The following COL16A1 variants were observed in gnomAD, a reference collection of about 807,000 sequenced individuals.
COL16A1 encodes the protein collagen type XVI alpha 1 chain, also known as collagen alpha-1(XVI) chain.
In COL16A1, 189 loss-of-function variants were observed where a neutral mutation model predicts 266.3. The ratio of observed to expected loss-of-function variants is 0.71; its 90% CI spans 0.63 to 0.80. COL16A1 has a LOEUF of 0.80. Ranked by LOEUF, COL16A1 falls within the 30% of genes least tolerant of loss-of-function variation. COL16A1 has a pLI of 0.00. For missense variants in COL16A1, 1,928 were observed against 2,122.4 expected, an observed-to-expected ratio of 0.91 and a Z score of 1.80; for synonymous variants, 740 against 782.3, an observed-to-expected ratio of 0.95 and a Z score of 0.90.
rs775591858 is a variant in COL16A1 at position 31,653,696 on chromosome 1, T to A, written c.4535-20A>T. 1.2e-6 allele frequency: 2 copies of A among 1,610,502 alleles called. No homozygotes were observed. Among genetic ancestry groups the A allele is most frequent in the Non-Finnish European group, 1.7e-6 (2 of 1,178,154 alleles). Reference sequence around the variant, plus strand: ...GCAATCCTGGAACAAAAGAAATAAATAAGTCCTATCCCTGAGCAGAAAAAT... The same window carrying A: ...GCAATCCTGGAACAAAAGAAATAAAAAAGTCCTATCCCTGAGCAGAAAAAT... On this transcript the variant is annotated intron_variant, in intron 69 of 70. Transcript: ENST00000373672.
In COL16A1 at chr1:31,699,768, G is replaced by A. The variant is rs766682234; in HGVS notation, c.266+45C>T. 2.4e-6 allele frequency: 3 copies of A among 1,236,058 alleles called. No individual in the cohort carries two copies. The East Asian group carries it at 6.9e-5, about 29-fold the overall frequency. The allele number at this position is 1,236,058 out of a possible 1,614,324, so 76.6% of individuals were successfully genotyped here. ...ACATCTGGAGTTGCTGAGGAGTGTGGCTGAGGTCAGTGTTGATTCTCAGTG... is the reference window on the plus strand; with the variant it reads ...ACATCTGGAGTTGCTGAGGAGTGTGACTGAGGTCAGTGTTGATTCTCAGTG... On this transcript the variant is annotated intron_variant, in intron 4 of 70. Transcript: ENST00000373672.
chr1:31,697,335 T>A lies in COL16A1; in HGVS notation c.658-35A>T, dbSNP rs1213258701. Reference sequence around the variant, plus strand: ...ACACACACATCAATTTCACTTCATTTTATCAAATAGCTCTGTGTCCTGGCC... The same window carrying A: ...ACACACACATCAATTTCACTTCATTATATCAAATAGCTCTGTGTCCTGGCC... On this transcript the variant is annotated intron_variant, in intron 6 of 70. Transcript: ENST00000373672. The surrounding 1 kb of genome is among the most constrained non-coding windows in gnomAD (Gnocchi z 4.2). 1.9e-6 allele frequency: 3 copies of A among 1,566,900 alleles called. No individual in the cohort carries two copies. Among genetic ancestry groups the A allele is most frequent in the Non-Finnish European group, 1.7e-6 (2 of 1,152,934 alleles).
At chr1:31,676,076 G>C (rs1401796054) in intron 42 of COL16A1, among the ~76,000 whole-genome samples, 1 of 151,916 alleles carries the variant, frequency 6.6e-6, no homozygotes, top group African/African-American at 2.4e-5. Flanking sequence ...TGCAATCGTA[G>C]CACTTTGGGA....
chr1:31,699,620 AAGGTAGGTCTGCC>A (rs1160444418), intron 4 of COL16A1, among the ~76,000 whole-genome samples, 180 bp downstream of exon 4: 1 of 152,178 alleles, frequency 6.6e-6, no homozygotes, highest in African/African-American at 2.4e-5. Context: ...GGAAAGACAG[AAGGTAGGTCTGCC>A]AGGTACCACC....
chr1:31,658,671 G>T, intron 63 of COL16A1, 94 bp from the exon 64 acceptor site: 3 of 1,221,642 alleles, frequency 2.5e-6, no homozygotes, highest in Non-Finnish European at 2.4e-6. Context: ...GTGTGCCAGG[G>T]ACTACAGGGA....
chr1:31,661,343 C>T (rs1641644290), intron 60 of COL16A1, 71 bp downstream of exon 60: 2 of 1,609,970 alleles, frequency 1.2e-6, no homozygotes, highest in South Asian at 2.2e-5. Context: ...GGATAGGCTG[C>T]CATGTATGCC....
intron 48 of COL16A1, among the ~76,000 whole-genome samples, chr1:31,671,297 C>A (rs1341930855): frequency 6.6e-6 from 1 of 152,192 alleles, no homozygotes; most frequent in Non-Finnish European, 1.5e-5. Flanking sequence ...AGCCTGAAGC[C>A]TAGGCCCCCT....
At chr1:31,696,847 C>G in intron 8 of COL16A1, 116 bp downstream of exon 8, 1 of 1,528,300 alleles carries the variant, frequency 6.5e-7, no homozygotes. Flanking sequence ...TTCCAGTGCC[C>G]CTCCTGCCCT....
chr1:31,686,094 C>T lies in COL16A1; in HGVS notation c.1881G>A (p.Ala627=), dbSNP rs368571697. ...GPVGPAGIKG[A]KGEPCEPCPA... is the part of the protein sequence containing the mutation. ...CGGAGAATGTCCCCAGACTCACCTTCGCCCCTTTGATGCCTGCTGGCCCCA... is the reference window on the plus strand; with the variant it reads ...CGGAGAATGTCCCCAGACTCACCTTTGCCCCTTTGATGCCTGCTGGCCCCA... Residue 627 remains alanine, a synonymous_variant, in exon 28 of 71, where the codon GCG becomes GCA. Transcript: ENST00000373672. 291 of 1,613,956 alleles carry T rather than the reference C, an allele frequency of 1.8e-4. No individual in the cohort carries two copies. The highest frequency in any genetic ancestry group is 2.3e-4 in the Non-Finnish European group (274 of 1,180,004).
At chr1:31,665,312 G>A in intron 55 of COL16A1, 78 bp from the exon 56 acceptor site, 1 of 1,549,304 alleles carries the variant, frequency 6.5e-7, no homozygotes, top group South Asian at 1.2e-5. Flanking sequence ...TCCTGTGCAT[G>A]ATGCACTGTT....
At chr1:31,686,023 C>T (rs1643953577) in intron 28 of COL16A1, 68 bp downstream of exon 28, 8 of 1,596,428 alleles carry the variant, frequency 5.0e-6, no homozygotes, top group Non-Finnish European at 5.1e-6. Flanking sequence ...GGTTCGAAGT[C>T]GAGCAAGACG....
chr1:31,655,233 G>A (rs41307840), intron 67 of COL16A1, 81 bp downstream of exon 67: 84,100 of 1,527,422 alleles, frequency 0.055, 2,589 homozygotes, highest in Middle Eastern at 0.078. Flanking sequence ...ATGTCAGCAG[G>A]AGCTTGGAAG....
chr1:31,684,499 C>A (rs1421843552), intron 31 of COL16A1, 24 bp downstream of exon 31: 9 of 1,601,140 alleles, frequency 5.6e-6, no homozygotes, highest in South Asian at 3.3e-5. Context: ...AACTCCCCGA[C>A]CCCAACCACC....
intron 46 of COL16A1, 41 bp downstream of exon 46, chr1:31,672,555 G>A: frequency 6.2e-7 from 1 of 1,612,852 alleles, no homozygotes; most frequent in East Asian, 2.2e-5. Flanking sequence ...GTCCCTGTGG[G>A]GCATGGGGCA....
intron 48 of COL16A1, 39 bp downstream of exon 48, chr1:31,671,576 A>G: frequency 6.2e-7 from 1 of 1,613,500 alleles, no homozygotes; most frequent in South Asian, 1.1e-5. Flanking sequence ...GACCCCTTTG[A>G]GAGCTTCTCA....
In COL16A1 at chr1:31,686,132, G is replaced by A; in HGVS notation, c.1843C>T (p.Pro615Ser). ...GEAGPAGSPG[P>S]PGPVGPAGIK... ...CCTGCTGGCCCCACTGGTCCTGGTG[G>A]CCCCTGCATGTTAAGACGCTACAGG... Residue 615 changes from proline to serine, a missense_variant, in exon 28 of 71, where the codon CCA becomes TCA. Pro to Ser is a moderately conservative substitution (Grantham distance 74, BLOSUM62 -1). This residue lies in a region of COL16A1 where 1,552 missense variants were observed against 1,637.2 expected (regional missense o/e 0.95). Transcript: ENST00000373672. The A allele has an allele frequency of 1.2e-6, 2 of 1,614,054 alleles. No homozygotes were observed. The highest frequency in any genetic ancestry group is 1.3e-5 in the African/African-American group (1 of 74,976).
intron 44 of COL16A1, 192 bp from the exon 45 acceptor site, chr1:31,673,032 A>G: frequency 1.5e-6 from 1 of 657,358 alleles, no homozygotes; most frequent in South Asian, 1.6e-5. Flanking sequence ...ACTCCCAACA[A>G]TTGGCTTTGA....
intron 4 of COL16A1, among the ~76,000 whole-genome samples, chr1:31,699,207 G>A (rs1644626454): frequency 6.6e-6 from 1 of 152,188 alleles, no homozygotes; most frequent in Non-Finnish European, 1.5e-5. Flanking sequence ...CGTCTGATGG[G>A]GGCAGGGAGG....
intron 1 of COL16A1, 99 bp from the exon 2 acceptor site, chr1:31,702,326 G>T: frequency 8.0e-7 from 1 of 1,247,136 alleles, no homozygotes; most frequent in Non-Finnish European, 1.1e-6. Context: ...CCAGGCACTG[G>T]TATTGGGGTG....
Sources: allele counts gnomAD v4.1 joint callset (sites outside exome capture counted in the v4.1 genomes callset), GRCh38; gene constraint gnomAD v4.1.1; regional missense constraint gnomAD v4.1.1; non-coding constraint Gnocchi (gnomAD v3.1); transcripts MANE v1.5; gene names NCBI Gene and HGNC (gene_info 2026-07-23, HGNC 2026-07-21).